MRPL22: variants seen among roughly 807,000 people sequenced by gnomAD.
MRPL22 encodes the protein mitochondrial ribosomal protein L22.
A neutral mutation model predicts 32.4 loss-of-function variants in MRPL22; 27 were observed. That is an observed-to-expected ratio of 0.83 (90% CI 0.61 to 1.15). The LOEUF (loss-of-function observed/expected upper bound fraction) is 1.15, where lower values mean the gene tolerates loss of function less well. MRPL22 is among the 50% of genes most tolerant of loss of function. The probability of loss-of-function intolerance (pLI) is 0.00; values close to 1 mark genes in which losing one functional copy is unlikely to be tolerated. For missense variants in MRPL22, 239 were observed against 260.2 expected (o/e 0.92, Z 0.56); for synonymous variants, 86 against 87.3 (o/e 0.99, Z 0.08).
intron 3 of MRPL22, among the ~76,000 whole-genome samples, chr5:154,955,036 C>T (rs987713982): frequency 8.6e-5 from 13 of 151,816 alleles, no homozygotes; most frequent in Non-Finnish European, 1.5e-4. Flanking sequence ...CCTTGTGATC[C>T]GGCCGCCTCG....
At chr5:154,954,880 C>T (rs1226079991) in intron 3 of MRPL22, among the ~76,000 whole-genome samples, 1 of 152,196 alleles carries the variant, frequency 6.6e-6, no homozygotes, top group Non-Finnish European at 1.5e-5. Context: ...CAAGCTCCAC[C>T]TCCCGGGTTC....
intron 3 of MRPL22, chr5:154,955,786 A>T (rs1450195417): frequency 6.6e-6 from 1 of 152,574 alleles, no homozygotes. Flanking sequence ...GAAATAGGTT[A>T]CTTTATTTCC....
rs183681624 is a variant in MRPL22 at position 154,954,109 on chromosome 5, C to T, written c.196-2262C>T. ...GGCTTAAGAGATCTTCCCACCTCAG[C>T]CTCCTGAGTAGCTGGGACCACAGGT... On this transcript the variant is annotated intron_variant, in intron 3 of 6. Transcript: ENST00000523037. 2.8e-3 allele frequency among the ~76,000 whole-genome samples: 420 copies of T among 152,026 alleles called. 3 individuals are homozygous for T. The highest frequency in any genetic ancestry group is 9.9e-3 in the African/African-American group (410 of 41,452).
chr5:154,949,101 A>G (rs1764527536), intron 2 of MRPL22, among the ~76,000 whole-genome samples: 1 of 152,042 alleles, frequency 6.6e-6, no homozygotes, highest in African/African-American at 2.4e-5. Flanking sequence ...CTCATTTTGT[A>G]TGTTATCTGC....
chr5:154,950,747 T>C, intron 2 of MRPL22, 74 bp from the exon 3 acceptor site: 2 of 951,152 alleles, frequency 2.1e-6, no homozygotes, highest in South Asian at 1.4e-5. Context: ...GCTGAAGTGG[T>C]TCAAAAGATA....
At chr5:154,952,173 G>T (rs1429518688) in intron 3 of MRPL22, among the ~76,000 whole-genome samples, 1 of 152,124 alleles carries the variant, frequency 6.6e-6, no homozygotes, top group Non-Finnish European at 1.5e-5. Context: ...GAGCCATCGT[G>T]CCCGGCCTGA....
chr5:154,957,284 A>G, intron 5 of MRPL22, 72 bp downstream of exon 5: 1 of 1,264,524 alleles, frequency 7.9e-7, no homozygotes, highest in South Asian at 1.2e-5. Context: ...ATTATTAGTA[A>G]GCTTAGCCTA....
rs199698582 is a variant in MRPL22, at chr5:154,941,236, C to G, written c.48C>G (p.Asn16Lys). ...TTGCAGGTGCGTTATGGATACATAACCTGAGGAGCCGGGGGAAGCTGGCCT... is the reference window on the plus strand; with the variant it reads ...TTGCAGGTGCGTTATGGATACATAAGCTGAGGAGCCGGGGGAAGCTGGCCT... ...LGQLGALWIH[N>K]LRSRGKLALG... Residue 16 changes from asparagine (N) to lysine (K), a missense_variant, in exon 2 of 7, where the codon AAC (asparagine) becomes AAG (lysine). Asn to Lys is a moderately conservative substitution (Grantham distance 94). Transcript: ENST00000523037. 109 of 1,613,536 alleles carry G rather than the reference C, an allele frequency of 6.8e-5. 1 individual carries two copies. In the East Asian group the frequency reaches 2.3e-3, roughly 34 times the overall value.
rs558966497 is a variant in MRPL22 at position 154,956,755 on chromosome 5, G to GT, written c.261+326dup. ...CCTGTTTTAAAACTGTTGCTTTTAAGTTTTTTTCCCTAGGAAATGAAATTT... is the reference window on the plus strand; with the variant it reads ...CCTGTTTTAAAACTGTTGCTTTTAAGTTTTTTTTCCCTAGGAAATGAAATTT... On this transcript the variant is annotated intron_variant, in intron 4 of 6. Coordinates refer to ENST00000523037, the MANE Select transcript of MRPL22 (RefSeq NM_014180.4). 3.6e-4 allele frequency: 120 copies of GT among 335,054 alleles called. 2 individuals are homozygous for GT. Among genetic ancestry groups the GT allele is most frequent in the African/African-American group, 1.4e-3 (64 of 46,474 alleles). 20.8% of individuals were successfully genotyped at this position (335,054 alleles called of 1,614,324 possible). A position where few individuals can be genotyped will look rare whatever the true frequency, so the allele number is the denominator to read the frequency against.
chr5:154,967,925 G>A lies in MRPL22; in HGVS notation c.*1028G>A, dbSNP rs754631299. On this transcript the variant is annotated 3_prime_UTR_variant, in exon 7 of 7. Coordinates refer to ENST00000523037, the MANE Select transcript of MRPL22 (RefSeq NM_014180.4). This position sits in a 1 kb window ranked among gnomAD's most constrained non-coding sequence, Gnocchi z 4.7. ...AGGTAATTCTGTTGTAGGGGACTAC[G>A]CTTTGAGAATACGGCTTTAGGAGAA... The A allele has an allele frequency of 1.1e-4, 17 of 152,156 alleles. No homozygotes were observed. Among genetic ancestry groups the A allele is most frequent in the Non-Finnish European group, 2.2e-4 (15 of 68,040 alleles). The allele number at this position is 152,156 out of a possible 1,614,324, so 9.4% of individuals were successfully genotyped here.
At chr5:154,952,751 G>A (rs1320498891) in intron 3 of MRPL22, among the ~76,000 whole-genome samples, 2 of 152,118 alleles carry the variant, frequency 1.3e-5, no homozygotes, top group Non-Finnish European at 2.9e-5. Flanking sequence ...AATATACAAT[G>A]TCCCTTAGAA....
rs148304817 is a variant in MRPL22, at chr5:154,965,573, C to T, written c.410-1113C>T. On this transcript the variant is annotated intron_variant, in intron 6 of 6. Coordinates refer to ENST00000523037, the MANE Select transcript of MRPL22 (RefSeq NM_014180.4). The stretch of plus-strand genomic sequence containing the variant: ...CCAAGTAGCTAGGATTACAGGTGCC[C>T]ACCACCACAACTGGCTAATTTTTTG... Among the ~76,000 whole-genome samples the T allele has an allele frequency of 2.2e-3, 338 of 151,948 alleles. 2 individuals are homozygous for T. Among genetic ancestry groups the T allele is most frequent in the African/African-American group, 6.9e-3 (285 of 41,442 alleles).
At chr5:154,965,895 C>T (rs546951995) in intron 6 of MRPL22, among the ~76,000 whole-genome samples, 3 of 152,124 alleles carry the variant, frequency 2.0e-5, no homozygotes, top group African/African-American at 7.2e-5. Flanking sequence ...ATTTCCAAGG[C>T]CCACCCCAGA....
chr5:154,966,123 T>C (rs763207157), intron 6 of MRPL22, among the ~76,000 whole-genome samples: 3 of 152,314 alleles, frequency 2.0e-5, no homozygotes, highest in Non-Finnish European at 2.9e-5. Flanking sequence ...CTCTTTTCCT[T>C]GTTTGTGCTT....
At chr5:154,960,352 CAA>C (rs1405954510) in intron 6 of MRPL22, among the ~76,000 whole-genome samples, 4 of 152,032 alleles carry the variant, frequency 2.6e-5, no homozygotes, top group Non-Finnish European at 4.4e-5. Flanking sequence ...AATATTATAA[CAA>C]ATAGTATTAA....
intron 2 of MRPL22, among the ~76,000 whole-genome samples, chr5:154,949,369 T>C (rs545435224): frequency 6.6e-6 from 1 of 152,318 alleles, no homozygotes; most frequent in South Asian, 2.1e-4. Context: ...TAACTATTCA[T>C]TTGCTTATTT....
intron 6 of MRPL22, among the ~76,000 whole-genome samples, chr5:154,961,252 TG>T (rs1346025721): frequency 6.6e-6 from 1 of 152,180 alleles, no homozygotes; most frequent in Admixed American, 6.5e-5. Context: ...GAAATCAAAA[TG>T]GCAACCCAAG....
At chr5:154,943,649 T>TAC (rs1764450228) in intron 2 of MRPL22, among the ~76,000 whole-genome samples, 2 of 146,886 alleles carry the variant, frequency 1.4e-5, no homozygotes, top group South Asian at 2.1e-4. Flanking sequence ...TACATGTATA[T>TAC]ACACACACAT....
At position 154,951,880 on chromosome 5, in the gene MRPL22, G is replaced by A. The variant is rs553103430; in HGVS notation, c.195+942G>A. On this transcript the variant is annotated intron_variant, in intron 3 of 6. Coordinates refer to ENST00000523037, the MANE Select transcript of MRPL22 (RefSeq NM_014180.4). Reference sequence around the variant, plus strand: ...TCTTACCTGAGCTCTTTGAAATCACGTATTTTTTTTTTTTTTTTTTGAGAT... The same window carrying A: ...TCTTACCTGAGCTCTTTGAAATCACATATTTTTTTTTTTTTTTTTTGAGAT... Among the ~76,000 whole-genome samples, 29 of 145,800 alleles carry A rather than the reference G, an allele frequency of 2.0e-4. No individual in the cohort carries two copies. The East Asian group carries it at 4.9e-3, about 24-fold the overall frequency.
Sources: gnomAD v4.1 joint callset for allele counts (sites outside exome capture counted in the v4.1 genomes callset) on GRCh38, gnomAD v4.1.1 for gene constraint, Gnocchi (gnomAD v3.1) non-coding constraint, MANE v1.5 for transcripts, NCBI Gene and HGNC (gene_info 2026-07-23, HGNC 2026-07-21) for gene names.